Variants in POLR1E observed in about 807,000 individuals in gnomAD.
POLR1E encodes DNA-directed RNA polymerase I subunit RPA49.
Under a neutral mutation model 50.9 loss-of-function variants are expected in POLR1E, and 37 were observed. That is an observed-to-expected ratio of 0.73 (90% CI 0.56 to 0.96). POLR1E has a LOEUF of 0.96. POLR1E is among the 40% of genes least tolerant of loss of function. POLR1E has a pLI of 0.00. For synonymous variants in POLR1E, 166 were observed against 191.6 expected (o/e 0.87, Z 1.10); for missense variants, 426 against 518.1 (o/e 0.82, Z 1.73).
intron 4 of POLR1E, among the ~76,000 whole-genome samples, chr9:37,491,417 C>T (rs1171807557): frequency 6.6e-6 from 1 of 151,948 alleles, no homozygotes; most frequent in African/African-American, 2.4e-5. Flanking sequence ...ATATATGATA[C>T]ACAAATACAT....
At chr9:37,488,538 T>C (rs1238813102) in intron 3 of POLR1E, among the ~76,000 whole-genome samples, 4 of 151,764 alleles carry the variant, frequency 2.6e-5, no homozygotes, top group East Asian at 3.9e-4. Context: ...CATACTCCAA[T>C]AGAGGAGAGG....
rs772689490 is a variant in POLR1E at position 37,503,225 on chromosome 9, G to A, written c.*23G>A. On this transcript the variant is annotated 3_prime_UTR_variant, in exon 12 of 12. Transcript: ENST00000377798. Reference sequence around the variant, plus strand: ...TAGACGCATGCTTTCCAGACAGGGCGTTTTGGCTGCATCACAGCCACTGGC... The same window carrying A: ...TAGACGCATGCTTTCCAGACAGGGCATTTTGGCTGCATCACAGCCACTGGC... 4.6e-5 allele frequency: 72 copies of A among 1,574,598 alleles called. No individual in the cohort carries two copies. The highest frequency in any genetic ancestry group is 4.5e-4 in the Middle Eastern group (2 of 4,484).
chr9:37,497,138 C>T (rs948124035), intron 8 of POLR1E, among the ~76,000 whole-genome samples: 2 of 152,170 alleles, frequency 1.3e-5, no homozygotes, highest in African/African-American at 4.8e-5. Flanking sequence ...GGCAGATCAC[C>T]TGAGGTCGGG....
chr9:37,493,500 C>G, intron 5 of POLR1E, 59 bp from the exon 6 acceptor site: 1 of 1,393,984 alleles, frequency 7.2e-7, no homozygotes, highest in South Asian at 1.6e-5. Context: ...AGTGACACAG[C>G]TAGGAGGGGC....
At chr9:37,501,362 GA>G (rs1453594991) in intron 10 of POLR1E, among the ~76,000 whole-genome samples, 1 of 152,242 alleles carries the variant, frequency 6.6e-6, no homozygotes, top group Admixed American at 6.5e-5. Flanking sequence ...GTGCTTGGAA[GA>G]ATCAGCACAG....
intron 11 of POLR1E, among the ~76,000 whole-genome samples, chr9:37,502,329 G>C (rs758613084): frequency 1.3e-5 from 2 of 152,226 alleles, no homozygotes. Flanking sequence ...CTCACAATCA[G>C]ATGGAAGGGT....
intron 9 of POLR1E, among the ~76,000 whole-genome samples, chr9:37,499,934 T>C (rs1820850658): frequency 6.7e-6 from 1 of 149,836 alleles, no homozygotes; most frequent in South Asian, 2.1e-4. Flanking sequence ...CCCTGCAACC[T>C]CCACCTACTG....
At chr9:37,495,323 T>C in intron 7 of POLR1E, 47 bp downstream of exon 7, 2 of 1,448,424 alleles carry the variant, frequency 1.4e-6, no homozygotes, top group Non-Finnish European at 1.9e-6. Flanking sequence ...CAAGTTGAGA[T>C]GTTTGCACGT....
chr9:37,488,043 T>A, intron 3 of POLR1E, 104 bp downstream of exon 3: 1 of 1,143,762 alleles, frequency 8.7e-7, no homozygotes, highest in Non-Finnish European at 1.3e-6. Context: ...AGGAGCCATC[T>A]AGAGAGGTTT....
Position 37,503,259 on chromosome 9 carries a change from T to C in POLR1E, c.*57T>C. 16 of 1,511,272 alleles carry C rather than the reference T, an allele frequency of 1.1e-5. No individual in the cohort carries two copies. The highest frequency in any genetic ancestry group is 1.3e-5 in the Non-Finnish European group (15 of 1,129,162). 93.6% of individuals were successfully genotyped at this position (1,511,272 alleles called of 1,614,324 possible). On this transcript the variant is annotated 3_prime_UTR_variant, in exon 12 of 12. Transcript: ENST00000377798. ...GCATCACAGCCACTGGCTGGTCCTA[T>C]TCATTTCCATTTTTATGTATGTTTT... is the stretch of plus-strand genomic sequence containing the variant.
intron 6 of POLR1E, among the ~76,000 whole-genome samples, chr9:37,493,968 C>T (rs899161854): frequency 3.3e-5 from 5 of 152,076 alleles, no homozygotes; most frequent in African/African-American, 1.2e-4. Flanking sequence ...GGGGTTATGG[C>T]CTGCAGGGCA....
At position 37,495,948 on chromosome 9, in the gene POLR1E, C is replaced by T; in HGVS notation, c.714C>T (p.Val238=). ...LQSPSEAFRN[V]TSEEILKMIE... is the part of the protein sequence containing the mutation. ...GCCCATCTGAAGCTTTCAGGAACGT[C>T]ACGTCAGAAGAAATACTGAAGATGA... Residue 238 remains valine (V), a synonymous_variant, in exon 8 of 12, where the codon GTC becomes GTT. Coordinates refer to ENST00000377798, the MANE Select transcript of POLR1E (RefSeq NM_022490.4). 1 of 1,614,082 alleles carries T rather than the reference C, an allele frequency of 6.2e-7. No homozygotes were observed. Among genetic ancestry groups the T allele is most frequent in the Non-Finnish European group, 8.5e-7 (1 of 1,179,934 alleles).
intron 8 of POLR1E, among the ~76,000 whole-genome samples, chr9:37,496,189 C>T (rs568281133): frequency 2.6e-5 from 4 of 152,176 alleles, no homozygotes; most frequent in Non-Finnish European, 4.4e-5. Context: ...TCTCTGAGTC[C>T]GTGGGACCTG....
Position 37,503,080 on chromosome 9 carries a change from T to G in POLR1E, c.1138T>G (p.Ser380Ala). ...EIAKAMRLKISKRRVSVAAGS... is the reference protein window; with the variant it reads ...EIAKAMRLKIAKRRVSVAAGS... ...AGCCAAAGCCATGAGGCTGAAGATC[T>G]CCAAAAGAAGGGTGTCTGTGGCCGC... Residue 380 changes from serine to alanine, a missense_variant, in exon 12 of 12, where the codon TCC (serine) becomes GCC (alanine). Transcript: ENST00000377798. 3 of 1,613,862 alleles carry G rather than the reference T, an allele frequency of 1.9e-6. No individual in the cohort carries two copies. Among genetic ancestry groups the G allele is most frequent in the African/African-American group, 2.7e-5 (2 of 75,016 alleles).
At chr9:37,491,245 G>A (rs1013015285) in intron 4 of POLR1E, among the ~76,000 whole-genome samples, 5 of 152,082 alleles carry the variant, frequency 3.3e-5, no homozygotes, top group Non-Finnish European at 7.4e-5. Context: ...CTTAAATACT[G>A]GGAACCATGG....
Position 37,486,133 on chromosome 9 carries a change from G to A in POLR1E, c.76+10G>A, listed in dbSNP as rs1210261862. 4.4e-6 allele frequency: 7 copies of A among 1,589,404 alleles called. No individual in the cohort carries two copies. The highest frequency in any genetic ancestry group is 6.0e-6 in the Non-Finnish European group (7 of 1,169,394). On this transcript the variant is annotated intron_variant, in intron 1 of 11. Coordinates refer to ENST00000377798, the MANE Select transcript of POLR1E (RefSeq NM_022490.4). ...CAGAGAGCTGTACTGGGTAAAGACT[G>A]CGGAGCTGGAGCAGTGCTCCTCTAA...
chr9:37,498,523 C>T (rs932171192), intron 9 of POLR1E, among the ~76,000 whole-genome samples: 9 of 152,174 alleles, frequency 5.9e-5, no homozygotes, highest in African/African-American at 1.9e-4. Flanking sequence ...AGTAGAATAT[C>T]CAGGTCAAAT....
Position 37,503,315 on chromosome 9 carries a change from C to T in POLR1E, c.*113C>T. The stretch of plus-strand genomic sequence containing the variant: ...GAAAAGGTCCGGGGATGGTGGCTCA[C>T]ACCTGAAATCCCAGCACTTTGGGAG... On this transcript the variant is annotated 3_prime_UTR_variant, in exon 12 of 12. Transcript: ENST00000377798. The T allele has an allele frequency of 7.6e-7, 1 of 1,313,222 alleles. No homozygotes were observed. The highest frequency in any genetic ancestry group is 1.0e-6 in the Non-Finnish European group (1 of 986,682). 81.3% of individuals were successfully genotyped at this position (1,313,222 alleles called of 1,614,324 possible).
At chr9:37,501,688 T>G (rs764683944) in intron 10 of POLR1E, 25 bp from the exon 11 acceptor site, 7 of 1,601,478 alleles carry the variant, frequency 4.4e-6, no homozygotes, top group East Asian at 2.2e-5. Context: ...ATTTTGTTTC[T>G]CCTTTATTGC....
Sources: allele counts gnomAD v4.1 joint callset (sites outside exome capture counted in the v4.1 genomes callset), GRCh38; gene constraint gnomAD v4.1.1; transcripts MANE v1.5; gene names NCBI Gene and HGNC (gene_info 2026-07-23, HGNC 2026-07-21).